The following DENND1B variants were observed in gnomAD, a reference collection of about 807,000 sequenced individuals.
The protein encoded by DENND1B is DENN domain-containing protein 1B.
A neutral mutation model predicts 90.1 loss-of-function variants in DENND1B; 59 were observed. The observed-to-expected ratio is 0.65, with a 90% confidence interval of 0.53 to 0.81. The LOEUF is 0.81. Among genes scored for constraint, DENND1B ranks in the 40% least tolerant of loss-of-function variants. DENND1B has a pLI of 0.00. For missense variants in DENND1B, 862 were observed against 912.6 expected, an observed-to-expected ratio of 0.94 and a Z score of 0.71; for synonymous variants, 337 against 324.6, an observed-to-expected ratio of 1.04 and a Z score of -0.41.
At chr1:197,511,069 T>C in intron 22 of DENND1B, 97 bp from the exon 23 acceptor site, 1 of 1,218,640 alleles carries the variant, frequency 8.2e-7, no homozygotes, top group Non-Finnish European at 1.1e-6. Context: ...AGCGTTAAGT[T>C]CCTCCCAGAG....
intron 16 of DENND1B, chr1:197,552,760 T>C (rs1032673556): frequency 5.7e-6 from 7 of 1,235,232 alleles, no homozygotes; most frequent in Non-Finnish European, 6.1e-6. Context: ...GATTTCTGTA[T>C]TACTAATTTC....
intron 10 of DENND1B, among the ~76,000 whole-genome samples, chr1:197,638,865 C>T (rs1043508729): frequency 7.2e-5 from 2 of 27,720 alleles, no homozygotes; most frequent in African/African-American, 1.8e-4. Flanking sequence ...ATGTATGAAT[C>T]AACAGAATAA....
intron 17 of DENND1B, 114 bp downstream of exon 17, chr1:197,546,619 A>G: frequency 1.1e-6 from 1 of 924,288 alleles, no homozygotes; most frequent in Non-Finnish European, 1.6e-6. Flanking sequence ...GACAAAATAT[A>G]CAAACATTTC....
At chr1:197,744,039 A>G (rs1267122611) in intron 2 of DENND1B, among the ~76,000 whole-genome samples, 1 of 152,108 alleles carries the variant, frequency 6.6e-6, no homozygotes, top group African/African-American at 2.4e-5. Flanking sequence ...CATATTAAGG[A>G]TTTACTTCTA....
At chr1:197,717,133 C>A (rs754083064) in intron 2 of DENND1B, among the ~76,000 whole-genome samples, 1 of 151,876 alleles carries the variant, frequency 6.6e-6, no homozygotes, top group Non-Finnish European at 1.5e-5. Context: ...TTAGTTACTG[C>A]CTATGTGATT....
At chr1:197,585,137 G>A (rs951022292) in intron 14 of DENND1B, among the ~76,000 whole-genome samples, 1 of 152,074 alleles carries the variant, frequency 6.6e-6, no homozygotes, top group Non-Finnish European at 1.5e-5. Flanking sequence ...AAAAATAAAG[G>A]TCTATTGTTT....
chr1:197,769,068 T>C (rs1656080398), intron 2 of DENND1B, among the ~76,000 whole-genome samples: 1 of 152,158 alleles, frequency 6.6e-6, no homozygotes, highest in Non-Finnish European at 1.5e-5. Context: ...CATTTAGACT[T>C]ACCTATGAAA....
intron 20 of DENND1B, among the ~76,000 whole-genome samples, chr1:197,527,928 TCCAAAGATC>T (rs1669263249): frequency 1.3e-5 from 2 of 152,198 alleles, no homozygotes; most frequent in African/African-American, 4.8e-5. Flanking sequence ...ATAGTATTTT[TCCAAAGATC>T]CCAACAAGTA....
chr1:197,780,869 A>T, the DENND1B span, among the ~76,000 whole-genome samples: 1 of 152,076 alleles, frequency 6.6e-6, no homozygotes, highest in Non-Finnish European at 1.5e-5. Flanking sequence ...AAAGTCCCCA[A>T]CTTATATATC....
chr1:197,537,873 G>A (rs188845636), intron 20 of DENND1B, among the ~76,000 whole-genome samples: 3 of 152,008 alleles, frequency 2.0e-5, no homozygotes, highest in Admixed American at 1.3e-4. Context: ...AAATTGCTAA[G>A]AGAGTAAATT....
chr1:197,667,233 G>C (rs567106328), intron 5 of DENND1B, among the ~76,000 whole-genome samples: 6 of 151,990 alleles, frequency 3.9e-5, no homozygotes, highest in Non-Finnish European at 5.9e-5. Flanking sequence ...TTAATTTTAG[G>C]TGTCATAGAA....
chr1:197,690,256 C>A, intron 3 of DENND1B: 1 of 265,084 alleles, frequency 3.8e-6, no homozygotes, highest in South Asian at 5.7e-5. Context: ...AAAAATGACT[C>A]ACCAATGGAA....
chr1:197,576,214 T>G (rs1038292860), intron 15 of DENND1B, among the ~76,000 whole-genome samples: 3 of 152,192 alleles, frequency 2.0e-5, no homozygotes, highest in South Asian at 4.1e-4. Context: ...GATGGTGTAG[T>G]ATGGCATAGA....
intron 12 of DENND1B, 134 bp downstream of exon 12, chr1:197,611,797 T>C: frequency 1.5e-6 from 1 of 673,754 alleles, no homozygotes; most frequent in Non-Finnish European, 2.4e-6. Context: ...TTTTTAAAAA[T>C]GATAAGCATA....
At chr1:197,658,050 G>A (rs80244505) in intron 6 of DENND1B, among the ~76,000 whole-genome samples, 5,148 of 152,220 alleles carry the variant, frequency 0.034, 296 homozygotes, top group African/African-American at 0.11. Flanking sequence ...AGACTATTCA[G>A]ATTCATACAG....
chr1:197,513,119 A>C lies in DENND1B; in HGVS notation c.1516-166T>G, dbSNP rs1271327858. Among the ~76,000 whole-genome samples the C allele has an allele frequency of 3.3e-5, 5 of 151,690 alleles. No homozygotes were observed. The South Asian group carries it at 6.2e-4, about 19-fold the overall frequency. On this transcript the variant is annotated intron_variant, in intron 20 of 22. Coordinates refer to ENST00000620048, the MANE Select transcript of DENND1B (RefSeq NM_001195215.2). ...ACTTGACAAACTGGGACAGGAAGAA[A>C]GGGAAGCAATAAGGTATATTTATCT...
At chr1:197,693,259 T>C (rs1209235780) in intron 3 of DENND1B, among the ~76,000 whole-genome samples, 1 of 151,816 alleles carries the variant, frequency 6.6e-6, no homozygotes, top group South Asian at 2.1e-4. Context: ...TATTGTCACT[T>C]ATCTAGAAAA....
intron 2 of DENND1B, among the ~76,000 whole-genome samples, chr1:197,753,550 G>A (rs550689891): frequency 7.2e-5 from 11 of 152,144 alleles, no homozygotes; most frequent in African/African-American, 2.4e-4. Flanking sequence ...GGCTTTGGGT[G>A]ATAATTAAGT....
At chr1:197,720,740 G>A (rs1211635897) in intron 2 of DENND1B, among the ~76,000 whole-genome samples, 1 of 152,056 alleles carries the variant, frequency 6.6e-6, no homozygotes, top group East Asian at 1.9e-4. Context: ...TGACAAAGTA[G>A]TAATAAAAAG....
Sources: gnomAD v4.1 joint callset for allele counts (sites outside exome capture counted in the v4.1 genomes callset) on GRCh38, gnomAD v4.1.1 for gene constraint, MANE v1.5 for transcripts, NCBI Gene and HGNC (gene_info 2026-07-23, HGNC 2026-07-21) for gene names.